BMP7: variants seen among roughly 807,000 people sequenced by gnomAD.
BMP7 encodes the protein bone morphogenetic protein 7, also known as osteogenic protein 1.
BMP7 carries 12 observed loss-of-function variants against 41.2 expected under a neutral mutation model. That is an observed-to-expected ratio of 0.29 (90% CI 0.19 to 0.47). The LOEUF (loss-of-function observed/expected upper bound fraction) is 0.47, where lower values mean the gene tolerates loss of function less well. Ranked by LOEUF, BMP7 falls within the 20% of genes least tolerant of loss-of-function variation. The probability of loss-of-function intolerance (pLI) is 0.99; values close to 1 mark genes in which losing one functional copy is unlikely to be tolerated. For synonymous variants in BMP7, 248 were observed against 250.0 expected (o/e 0.99, Z 0.07); for missense variants, 467 against 606.0 (o/e 0.77, Z 2.41).
chr20:57,243,548 T>G (rs1392499474), intron 1 of BMP7, among the ~76,000 whole-genome samples: 1 of 152,154 alleles, frequency 6.6e-6, no homozygotes, highest in Non-Finnish European at 1.5e-5. Context: ...AACTCCTGAC[T>G]TACGGGTTTG....
intron 3 of BMP7, among the ~76,000 whole-genome samples, chr20:57,191,041 C>T (rs62205663): frequency 7.9e-5 from 12 of 152,174 alleles, no homozygotes; most frequent in Non-Finnish European, 1.2e-4. Context: ...GGAAAACCAT[C>T]CCTGGTCAAG....
chr20:57,214,041 T>G lies in BMP7; in HGVS notation c.612-11418A>C, dbSNP rs1281991447. 6.6e-6 allele frequency among the ~76,000 whole-genome samples: 1 copy of G among 152,218 alleles called. No individual in the cohort carries two copies. Among genetic ancestry groups the G allele is most frequent in the Non-Finnish European group, 1.5e-5 (1 of 68,038 alleles). ...AAGTAAGATCACAGCTGCAGTGAGCTGACCCCAACTCAAGATGGAACCATC... is the reference window on the plus strand; with the variant it reads ...AAGTAAGATCACAGCTGCAGTGAGCGGACCCCAACTCAAGATGGAACCATC... On this transcript the variant is annotated intron_variant, in intron 2 of 6. Coordinates refer to ENST00000395863, the MANE Select transcript of BMP7 (RefSeq NM_001719.3). This position sits in a 1 kb window ranked among gnomAD's most constrained non-coding sequence, Gnocchi z 4.0.
At chr20:57,223,372 A>G (rs1384966291) in intron 2 of BMP7, among the ~76,000 whole-genome samples, 1 of 152,182 alleles carries the variant, frequency 6.6e-6, no homozygotes, top group South Asian at 2.1e-4. Context: ...CACACCAATG[A>G]CAGTTCAACC....
chr20:57,191,308 G>A (rs1217035639), intron 3 of BMP7, among the ~76,000 whole-genome samples: 1 of 152,124 alleles, frequency 6.6e-6, no homozygotes, highest in African/African-American at 2.4e-5. Context: ...AGGCAAGACA[G>A]GCGCAGGCTC....
chr20:57,174,485 C>G lies in BMP7; in HGVS notation c.1035+446G>C, dbSNP rs1346557031. ...CATGTGCCAGTAACATGACCCCACCCCTGAAACAGTTGACTGGTTCAGGAA... is the reference window on the plus strand; with the variant it reads ...CATGTGCCAGTAACATGACCCCACCGCTGAAACAGTTGACTGGTTCAGGAA... On this transcript the variant is annotated intron_variant, in intron 5 of 6. Coordinates refer to ENST00000395863, the MANE Select transcript of BMP7 (RefSeq NM_001719.3). This position sits in a 1 kb window ranked among gnomAD's most constrained non-coding sequence, Gnocchi z 4.3. Among the ~76,000 whole-genome samples, 1 of 152,184 alleles carries G rather than the reference C, an allele frequency of 6.6e-6. No individual in the cohort carries two copies. The highest frequency in any genetic ancestry group is 1.9e-4 in the East Asian group (1 of 5,186).
intron 3 of BMP7, among the ~76,000 whole-genome samples, chr20:57,190,051 C>T (rs1016173649): frequency 9.2e-5 from 14 of 152,208 alleles, no homozygotes; most frequent in East Asian, 1.9e-4. Flanking sequence ...GAGAAATACA[C>T]GGTGTGTGTC....
At chr20:57,201,139 A>AT (rs1984609673) in intron 3 of BMP7, among the ~76,000 whole-genome samples, 1 of 152,242 alleles carries the variant, frequency 6.6e-6, no homozygotes, top group African/African-American at 2.4e-5. Context: ...CAGAATCTGC[A>AT]TTTTACCAAG....
At chr20:57,180,105 T>C (rs1984040625) in intron 4 of BMP7, among the ~76,000 whole-genome samples, 1 of 152,114 alleles carries the variant, frequency 6.6e-6, no homozygotes, top group African/African-American at 2.4e-5. Flanking sequence ...CTAAGGAGTC[T>C]CCGGCCTCTG....
intron 2 of BMP7, among the ~76,000 whole-genome samples, chr20:57,206,322 C>T (rs1434312249): frequency 6.6e-6 from 1 of 152,162 alleles, no homozygotes; most frequent in East Asian, 1.9e-4. Context: ...TTCTCTGAAT[C>T]TCCCCGCCAG....
chr20:57,254,471 G>A (rs1234123940), intron 1 of BMP7, among the ~76,000 whole-genome samples: 1 of 152,034 alleles, frequency 6.6e-6, no homozygotes, highest in East Asian at 1.9e-4. Flanking sequence ...ATGTGTCCAT[G>A]GTATTACTGC....
At chr20:57,181,359 G>T (rs917224613) in intron 4 of BMP7, among the ~76,000 whole-genome samples, 1 of 151,972 alleles carries the variant, frequency 6.6e-6, no homozygotes, top group African/African-American at 2.4e-5. Flanking sequence ...AGCCAGGTGT[G>T]GTGGCATCCA....
At chr20:57,218,753 T>C (rs978460417) in intron 2 of BMP7, among the ~76,000 whole-genome samples, 4 of 150,812 alleles carry the variant, frequency 2.7e-5, no homozygotes, top group Admixed American at 2.6e-4. Flanking sequence ...TGGCATTTGT[T>C]CGGTGGTAGC....
intron 3 of BMP7, among the ~76,000 whole-genome samples, chr20:57,193,300 T>C (rs1984420134): frequency 1.3e-5 from 2 of 152,098 alleles, no homozygotes; most frequent in Non-Finnish European, 2.9e-5. Flanking sequence ...CCAAGAGACA[T>C]GTGGCAATGT....
intron 4 of BMP7, among the ~76,000 whole-genome samples, chr20:57,181,810 C>G (rs1984088448): frequency 6.6e-6 from 1 of 152,208 alleles, no homozygotes; most frequent in African/African-American, 2.4e-5. Context: ...CAAAAAGGCT[C>G]TCTCCTATAA....
intron 3 of BMP7, among the ~76,000 whole-genome samples, chr20:57,184,549 A>T (rs1390162950): frequency 6.6e-6 from 1 of 152,104 alleles, no homozygotes; most frequent in East Asian, 1.9e-4. Flanking sequence ...GTCGGGTCCT[A>T]TGGGCAACAC....
At chr20:57,218,551 GT>G in intron 2 of BMP7, among the ~76,000 whole-genome samples, 1 of 151,342 alleles carries the variant, frequency 6.6e-6, no homozygotes, top group Middle Eastern at 3.4e-3. Flanking sequence ...GGTAGCTGGT[GT>G]TTTGTAGTAG....
In BMP7 at chr20:57,199,219, C is replaced by T. The variant is rs6025436; in HGVS notation, c.760+3256G>A. On this transcript the variant is annotated intron_variant, in intron 3 of 6. Coordinates refer to ENST00000395863, the MANE Select transcript of BMP7 (RefSeq NM_001719.3). The stretch of plus-strand genomic sequence containing the variant: ...TCCCACAGGCCCTGCTGCCCTTCCC[C>T]GTGCAGGATCTGGCAGGGGAGGGTT... 2.8e-3 allele frequency among the ~76,000 whole-genome samples: 426 copies of T among 152,278 alleles called. 2 individuals are homozygous for T. The highest frequency in any genetic ancestry group is 9.8e-3 in the African/African-American group (409 of 41,546).
intron 1 of BMP7, among the ~76,000 whole-genome samples, chr20:57,230,382 C>T (rs1568723557): frequency 6.6e-6 from 1 of 152,076 alleles, no homozygotes; most frequent in African/African-American, 2.4e-5. Context: ...GGGCAAAGGG[C>T]CTGACTGTGT....
chr20:57,196,713 T>G (rs1449610023), intron 3 of BMP7, among the ~76,000 whole-genome samples: 1 of 152,102 alleles, frequency 6.6e-6, no homozygotes, highest in Non-Finnish European at 1.5e-5. Context: ...TAAGAAAGTT[T>G]TGGTTTTTAA....
Sources: allele counts gnomAD v4.1 joint callset (sites outside exome capture counted in the v4.1 genomes callset), GRCh38; gene constraint gnomAD v4.1.1; non-coding constraint Gnocchi (gnomAD v3.1); transcripts MANE v1.5; gene names NCBI Gene and HGNC (gene_info 2026-07-23, HGNC 2026-07-21).